The following GALNT9 variants were observed in gnomAD, a reference collection of about 807,000 sequenced individuals.
GALNT9 encodes GalNAc transferase 9.
In GALNT9, 47 loss-of-function variants were observed where a neutral mutation model predicts 63.1. The observed-to-expected ratio is 0.75, with a 90% CI of 0.59 to 0.95. The LOEUF is 0.95. Among genes scored for constraint, GALNT9 ranks in the 40% least tolerant of loss-of-function variants. GALNT9 has a pLI of 0.00. For missense variants in GALNT9, 829 were observed against 874.8 expected (o/e 0.95, Z 0.66); for synonymous variants, 396 against 365.7 (o/e 1.08, Z -0.94).
chr12:132,301,021 T>C (rs1555243793), intron 1 of GALNT9, among the ~76,000 whole-genome samples: 1 of 152,266 alleles, frequency 6.6e-6, no homozygotes, highest in African/African-American at 2.4e-5. Flanking sequence ...GTGCAGGCGT[T>C]GCACAAGCTT....
chr12:132,269,144 T>A (rs1879769450), intron 2 of GALNT9, among the ~76,000 whole-genome samples: 2 of 152,040 alleles, frequency 1.3e-5, no homozygotes, highest in Non-Finnish European at 2.9e-5. Context: ...GCACAGAGGG[T>A]GGGCTGTGCA....
chr12:132,243,784 T>C (rs112569127), intron 6 of GALNT9, among the ~76,000 whole-genome samples: 7,778 of 152,260 alleles, frequency 0.051, 253 homozygotes, highest in Non-Finnish European at 0.084. Flanking sequence ...ATGAAGGCCC[T>C]GCCTGCCTGG....
At chr12:132,317,479 C>T (rs558487060) in intron 1 of GALNT9, among the ~76,000 whole-genome samples, 184 of 152,350 alleles carry the variant, frequency 1.2e-3, no homozygotes, top group African/African-American at 4.0e-3. Flanking sequence ...TCTCCAGGGC[C>T]ACCTCACCAA....
intron 6 of GALNT9, chr12:132,240,366 C>A: frequency 2.8e-6 from 1 of 351,266 alleles, no homozygotes; most frequent in South Asian, 2.1e-5. Context: ...CCACTGTACA[C>A]CCCATGCTGG....
At chr12:132,254,526 G>A (rs1555238880) in intron 5 of GALNT9, among the ~76,000 whole-genome samples, 1 of 152,200 alleles carries the variant, frequency 6.6e-6, no homozygotes, top group Non-Finnish European at 1.5e-5. Context: ...TGCGAGAGGA[G>A]TGATTCTGAC....
intron 6 of GALNT9, among the ~76,000 whole-genome samples, chr12:132,228,534 C>G (rs1343076827): frequency 1.3e-5 from 2 of 151,456 alleles, no homozygotes; most frequent in African/African-American, 2.5e-5. Context: ...CTCTTTGCCT[C>G]TGGCGAGACA....
rs1320228868 is a variant in GALNT9, at chr12:132,226,655, T to C, written c.1077+21255A>G. 5.6e-3 allele frequency among the ~76,000 whole-genome samples: 493 copies of C among 88,516 alleles called. 3 individuals are homozygous for C. The highest frequency in any genetic ancestry group is 0.021 in the African/African-American group (458 of 21,652). The allele number at this position is 88,516 out of a possible 152,430, so 58.1% of individuals were successfully genotyped here. A position where few individuals can be genotyped will look rare whatever the true frequency, so the allele number is the denominator to read the frequency against. ...CACATGCACCCCATGCACCCCCATA[T>C]ACACACCCCACACACACTGTACATA... On this transcript the variant is annotated intron_variant, in intron 6 of 10. Transcript: ENST00000328957.
rs1459804045 is a variant in GALNT9 at position 132,203,693 on chromosome 12, G to A, written c.1078-3C>T. 1 of 1,610,626 alleles carries A rather than the reference G, an allele frequency of 6.2e-7. No individual in the cohort carries two copies. Among genetic ancestry groups the A allele is most frequent in the Admixed American group, 1.7e-5 (1 of 59,842 alleles). On this transcript the variant is annotated splice_polypyrimidine_tract_variant and splice_region_variant and intron_variant, in intron 6 of 10. Transcript: ENST00000328957. ...ATGCTGCCGCCACACTGCCACACCTGCGGGGAGACGGCGCTGGGTGCCGGC... is the reference window on the plus strand; with the variant it reads ...ATGCTGCCGCCACACTGCCACACCTACGGGGAGACGGCGCTGGGTGCCGGC...
chr12:132,240,861 C>T (rs1878268020), intron 6 of GALNT9: 1 of 386,676 alleles, frequency 2.6e-6, no homozygotes, highest in South Asian at 1.9e-5. Flanking sequence ...CACCCCCTTC[C>T]CAGGGCCGTC....
At chr12:132,205,604 G>GC (rs1297720155) in intron 6 of GALNT9, 1 of 152,354 alleles carries the variant, frequency 6.6e-6, no homozygotes, top group Admixed American at 6.5e-5. Context: ...CCGCGGCGCC[G>GC]CCGTGCCAGG....
intron 7 of GALNT9, 49 bp downstream of exon 7, chr12:132,203,456 A>AC (rs779676241): frequency 3.1e-6 from 5 of 1,592,492 alleles, no homozygotes; most frequent in South Asian, 2.2e-5. Flanking sequence ...CGTGGCATTG[A>AC]CCCCGACCCT....
chr12:132,215,689 G>A (rs967928872), intron 6 of GALNT9, among the ~76,000 whole-genome samples: 40 of 152,328 alleles, frequency 2.6e-4, no homozygotes, highest in Admixed American at 5.2e-4. Flanking sequence ...CGGGTCCCAC[G>A]AGGCCGGGCT....
intron 2 of GALNT9, among the ~76,000 whole-genome samples, chr12:132,271,355 C>T (rs1345524033): frequency 2.0e-5 from 3 of 152,130 alleles, no homozygotes; most frequent in Non-Finnish European, 2.9e-5. Context: ...ACTCTGCCTC[C>T]GCCGCTCCCA....
intron 6 of GALNT9, among the ~76,000 whole-genome samples, chr12:132,211,973 A>T (rs1039236697): frequency 2.0e-5 from 3 of 152,208 alleles, no homozygotes; most frequent in African/African-American, 7.2e-5. Context: ...TGCTGCTGGG[A>T]CCATGTCTGC....
At position 132,248,763 on chromosome 12, in the gene GALNT9, C is replaced by T. The variant is rs150933303; in HGVS notation, c.960-736G>A. On this transcript the variant is annotated intron_variant, in intron 5 of 10. Coordinates refer to ENST00000328957, the MANE Select transcript of GALNT9 (RefSeq NM_001122636.2). ...TATACTTCCTGTAATAATTCTAAAA[C>T]GTCAGCCGACTTAGCCTGGCCCCAT... 9.4e-3 allele frequency among the ~76,000 whole-genome samples: 1,434 copies of T among 152,358 alleles called. 13 individuals carry two copies. The highest frequency in any genetic ancestry group is 0.016 in the Non-Finnish European group (1,063 of 68,030).
chr12:132,208,546 A>T (rs776851391), intron 6 of GALNT9, among the ~76,000 whole-genome samples: 8 of 152,262 alleles, frequency 5.3e-5, no homozygotes, highest in Non-Finnish European at 7.4e-5. Context: ...ACTCACACCG[A>T]TCTCTGTCTT....
At chr12:132,309,355 C>T (rs975591868) in intron 1 of GALNT9, among the ~76,000 whole-genome samples, 16 of 152,090 alleles carry the variant, frequency 1.1e-4, no homozygotes, top group Admixed American at 2.0e-4. Flanking sequence ...CCCTGGAGGT[C>T]GAGGGGTCGT....
At position 132,203,647 on chromosome 12, in the gene GALNT9, C is replaced by A. The variant is rs761686142; in HGVS notation, c.1121G>T (p.Arg374Leu). The A allele has an allele frequency of 6.2e-7, 1 of 1,613,728 alleles. No individual in the cohort carries two copies. Among genetic ancestry groups the A allele is most frequent in the Non-Finnish European group, 8.5e-7 (1 of 1,179,822 alleles). Reference sequence around the variant, plus strand: ...CCTGGTGCGCTCGATGTGGGCCACGCGGGAGCAGGGCAGCACCTCCATGCT... The same window carrying A: ...CCTGGTGCGCTCGATGTGGGCCACGAGGGAGCAGGGCAGCACCTCCATGCT... ...GGSMEVLPCS[R>L]VAHIERTRKP... The change falls in exon 7 of 11, where the codon CGC becomes CTC. Residue 374 changes from arginine to leucine, a missense_variant. Arg to Leu is a moderately radical substitution (Grantham distance 102). Coordinates refer to ENST00000328957, the MANE Select transcript of GALNT9 (RefSeq NM_001122636.2).
Position 132,264,915 on chromosome 12 carries a change from A to G in GALNT9, c.420-2290T>C, listed in dbSNP as rs116356787. On this transcript the variant is annotated intron_variant, in intron 2 of 10. Coordinates refer to ENST00000328957, the MANE Select transcript of GALNT9 (RefSeq NM_001122636.2). ...GCCCAGGCGCCCACAGGCGAGACCG[A>G]CAGCCATTGGGAGCCTCAGTCTCCG... Among the ~76,000 whole-genome samples the G allele has an allele frequency of 8.2e-3, 1,253 of 152,312 alleles. 19 individuals carry two copies. Among genetic ancestry groups the G allele is most frequent in the African/African-American group, 0.029 (1,204 of 41,574 alleles).
Sources: allele counts gnomAD v4.1 joint callset (sites outside exome capture counted in the v4.1 genomes callset), GRCh38; gene constraint gnomAD v4.1.1; transcripts MANE v1.5; gene names NCBI Gene and HGNC (gene_info 2026-07-23, HGNC 2026-07-21).